The following CAB39 variants were observed in gnomAD, a reference collection of about 807,000 sequenced individuals.
CAB39 encodes calcium binding protein 39.
CAB39 carries 8 observed loss-of-function variants against 40.0 expected under a neutral mutation model. That is an observed-to-expected ratio of 0.20 (90% confidence interval 0.12 to 0.36). The LOEUF is 0.36. Ranked by LOEUF, CAB39 falls within the 10% of genes least tolerant of loss-of-function variation. The pLI, the probability that CAB39 is intolerant of heterozygous loss-of-function variation, is 1.00. For synonymous variants in CAB39, 156 were observed against 141.6 expected (o/e 1.10, Z -0.72); for missense variants, 270 against 401.1 (o/e 0.67, Z 2.79).
At chr2:230,783,832 C>G (rs1174597723) in intron 2 of CAB39, among the ~76,000 whole-genome samples, 1 of 152,194 alleles carries the variant, frequency 6.6e-6, no homozygotes, top group East Asian at 1.9e-4. Context: ...AATCCCTTGA[C>G]TTCATGGTAT....
chr2:230,733,058 G>T (rs1694723183), intron 1 of CAB39, among the ~76,000 whole-genome samples: 1 of 152,178 alleles, frequency 6.6e-6, no homozygotes, highest in Non-Finnish European at 1.5e-5. Flanking sequence ...AGTAGAGGGT[G>T]CTCTGTCTTT....
intron 5 of CAB39, among the ~76,000 whole-genome samples, chr2:230,801,339 G>A (rs1696086095): frequency 6.6e-6 from 1 of 152,194 alleles, no homozygotes; most frequent in South Asian, 2.1e-4. Flanking sequence ...CCTTACAGCT[G>A]CACACCAGAG....
chr2:230,761,728 C>T (rs1177068907), intron 2 of CAB39, among the ~76,000 whole-genome samples: 1 of 152,116 alleles, frequency 6.6e-6, no homozygotes, highest in African/African-American at 2.4e-5. Flanking sequence ...TGATCTTAAG[C>T]TTACCCAGCT....
At chr2:230,761,051 A>G (rs1463028580) in intron 2 of CAB39, among the ~76,000 whole-genome samples, 2 of 149,436 alleles carry the variant, frequency 1.3e-5, no homozygotes, top group Non-Finnish European at 3.0e-5. Context: ...GAAGTGTTTC[A>G]GAGTTTGGAT....
chr2:230,723,866 C>T (rs1437968839), intron 1 of CAB39, among the ~76,000 whole-genome samples: 1 of 152,164 alleles, frequency 6.6e-6, no homozygotes, highest in Non-Finnish European at 1.5e-5. Flanking sequence ...TTTTATTCCC[C>T]AGTTTGTCTT....
chr2:230,796,048 G>T (rs56201648), intron 4 of CAB39, among the ~76,000 whole-genome samples: 7 of 152,028 alleles, frequency 4.6e-5, no homozygotes, highest in African/African-American at 1.4e-4. Context: ...CTTCTGTGTT[G>T]TTTTGGCAAG....
chr2:230,810,226 G>A (rs752599353), intron 5 of CAB39, 37 bp from the exon 6 acceptor site: 1 of 963,902 alleles, frequency 1.0e-6, no homozygotes, highest in South Asian at 1.5e-5. Flanking sequence ...TGAAAACTTG[G>A]AGAACAACTG....
chr2:230,798,401 C>G (rs1696028003), intron 4 of CAB39, among the ~76,000 whole-genome samples: 1 of 152,166 alleles, frequency 6.6e-6, no homozygotes, highest in African/African-American at 2.4e-5. Context: ...TAAAAGCTAA[C>G]CCCTGTATGG....
At chr2:230,762,595 ATTCC>A (rs1388612975) in intron 2 of CAB39, among the ~76,000 whole-genome samples, 1 of 152,254 alleles carries the variant, frequency 6.6e-6, no homozygotes, top group Non-Finnish European at 1.5e-5. Flanking sequence ...CTCAGTGGCT[ATTCC>A]TTAATCCTTA....
rs560087921 is a variant in CAB39 at position 230,757,521 on chromosome 2, A to G, written c.-43-2438A>G. ...TTGCCCACACAGAAGTATTTTATAT[A>G]TGTGTTCTTTTTGGTGGCTGTACTC... is the stretch of plus-strand genomic sequence containing the variant. On this transcript the variant is annotated intron_variant, in intron 1 of 8. Transcript: ENST00000258418. Among the ~76,000 whole-genome samples, 14 of 152,206 alleles carry G rather than the reference A, an allele frequency of 9.2e-5. No homozygotes were observed. The East Asian group carries it at 2.3e-3, about 25-fold the overall frequency.
chr2:230,721,988 G>A (rs971162510), intron 1 of CAB39, among the ~76,000 whole-genome samples: 1 of 151,424 alleles, frequency 6.6e-6, no homozygotes, highest in Non-Finnish European at 1.5e-5. Context: ...TACTAATTCG[G>A]ATGATAATTT....
intron 1 of CAB39, chr2:230,713,570 G>A (rs936603572): frequency 1.3e-5 from 2 of 152,400 alleles, no homozygotes; most frequent in Non-Finnish European, 2.9e-5. Flanking sequence ...GGGGAAGTGC[G>A]GGCCGGGTCA....
chr2:230,771,099 A>T (rs531429632), intron 2 of CAB39, among the ~76,000 whole-genome samples: 31 of 150,964 alleles, frequency 2.1e-4, no homozygotes, highest in African/African-American at 7.7e-4. Context: ...AAAGCAGTAA[A>T]ACTTTTGATT....
intron 1 of CAB39, among the ~76,000 whole-genome samples, chr2:230,755,972 C>T (rs569104563): frequency 6.6e-6 from 1 of 152,312 alleles, no homozygotes; most frequent in African/African-American, 2.4e-5. Flanking sequence ...TGCTGCACAT[C>T]CTTCAAGGTC....
chr2:230,809,410 G>A (rs1481230192), intron 5 of CAB39, among the ~76,000 whole-genome samples: 2 of 152,184 alleles, frequency 1.3e-5, no homozygotes, highest in Non-Finnish European at 2.9e-5. Flanking sequence ...TTTAGCAGTG[G>A]TACGAAGGAC....
At chr2:230,766,603 A>G (rs1292279330) in intron 2 of CAB39, among the ~76,000 whole-genome samples, 1 of 152,212 alleles carries the variant, frequency 6.6e-6, no homozygotes, top group African/African-American at 2.4e-5. Context: ...TGGCACGATC[A>G]TCGCTTGCTG....
At chr2:230,769,295 C>A (rs557652109) in intron 2 of CAB39, among the ~76,000 whole-genome samples, 1 of 152,268 alleles carries the variant, frequency 6.6e-6, no homozygotes, top group East Asian at 1.9e-4. Flanking sequence ...TAGTCAAATA[C>A]ACAATTAATA....
At chr2:230,714,876 T>G (rs1429464533) in intron 1 of CAB39, among the ~76,000 whole-genome samples, 1 of 152,254 alleles carries the variant, frequency 6.6e-6, no homozygotes, top group East Asian at 1.9e-4. Context: ...CTAAGTTTTG[T>G]AAGCTTGCAC....
chr2:230,786,133 C>A (rs1360956258), intron 2 of CAB39, among the ~76,000 whole-genome samples: 1 of 139,120 alleles, frequency 7.2e-6, no homozygotes, highest in Non-Finnish European at 1.5e-5. Flanking sequence ...CACTGCACTC[C>A]AGCCTGGGTG....
Sources: allele counts gnomAD v4.1 joint callset (sites outside exome capture counted in the v4.1 genomes callset), GRCh38; gene constraint gnomAD v4.1.1; transcripts MANE v1.5; gene names NCBI Gene and HGNC (gene_info 2026-07-23, HGNC 2026-07-21).